TMEM120A: variants seen among roughly 807,000 people sequenced by gnomAD.
TMEM120A encodes transmembrane protein 120A, also known as ion channel TACAN.
TMEM120A carries 45 observed loss-of-function variants against 54.3 expected under a neutral mutation model. The observed-to-expected ratio is 0.83, with a 90% confidence interval of 0.65 to 1.06. The LOEUF (loss-of-function observed/expected upper bound fraction) is 1.06. Ranked by LOEUF, TMEM120A falls within the 50% of genes least tolerant of loss-of-function variation. The pLI, the probability that TMEM120A is intolerant of heterozygous loss-of-function variation, is 0.00. For synonymous variants in TMEM120A, 204 were observed against 178.5 expected (o/e 1.14, Z -1.14); for missense variants, 424 against 441.7 (o/e 0.96, Z 0.36).
In TMEM120A at chr7:75,992,265, G is replaced by C; in HGVS notation, c.201-5C>G. The stretch of plus-strand genomic sequence containing the variant: ...GCTGGGAGGGAGGGTTTGCATCTGC[G>C]GGTAAGGCCAGAAACAGTCAGGGCA... On this transcript the variant is annotated splice_region_variant and splice_polypyrimidine_tract_variant and intron_variant, in intron 2 of 11. Coordinates refer to ENST00000493111, the MANE Select transcript of TMEM120A (RefSeq NM_031925.3). The C allele has an allele frequency of 1.2e-6, 2 of 1,601,416 alleles. No homozygotes were observed.
chr7:75,989,029 C>T, intron 4 of TMEM120A, 136 bp downstream of exon 4: 1 of 90,056 alleles, frequency 1.1e-5, no homozygotes, highest in Non-Finnish European at 2.8e-5. Context: ...GAGGGGAAGG[C>T]CGGGTTGGGG....
Position 75,994,508 on chromosome 7 carries a change from C to T in TMEM120A, c.63G>A (p.Gln21=). ...DCLRDWEDLQ[Q]DFQNIQETHR... ...CGCTAACCTGGATGTTCTGGAAGTC[C>T]TGCTGTAGATCCTCCCAGTCCCGCA... is the stretch of plus-strand genomic sequence containing the variant. The change falls in exon 1 of 12, where the codon CAG becomes CAA. Residue 21 remains glutamine (Q), a synonymous_variant. Transcript: ENST00000493111. 1.3e-6 allele frequency: 2 copies of T among 1,568,460 alleles called. No homozygotes were observed. Among genetic ancestry groups the T allele is most frequent in the Non-Finnish European group, 1.7e-6 (2 of 1,157,870 alleles).
At position 75,994,578 on chromosome 7, in the gene TMEM120A, G is replaced by A. The variant is rs781793325; in HGVS notation, c.-8C>T. 5 of 1,535,648 alleles carry A rather than the reference G, an allele frequency of 3.3e-6. No homozygotes were observed. On this transcript the variant is annotated 5_prime_UTR_variant, in exon 1 of 12. Coordinates refer to ENST00000493111, the MANE Select transcript of TMEM120A (RefSeq NM_031925.3). ...CGGGGGCGGGGGCTGCATGGCTGCA[G>A]CGCCAGTAGCCAGTAGTGGAGGACG...
At position 75,989,038 on chromosome 7, in the gene TMEM120A, G is replaced by GGGGCAGGCT; in HGVS notation, c.377+126_377+127insAGCCTGCCC. On this transcript the variant is annotated intron_variant, in intron 4 of 11. Coordinates refer to ENST00000493111, the MANE Select transcript of TMEM120A (RefSeq NM_031925.3). ...GGGGTGGAGGGGAAGGCCGGGTTGG[G>GGGGCAGGCT]GGGTGGAGGGGAAGGCCGGGTTCCG... 6.5e-6 allele frequency: 2 copies of GGGGCAGGCT among 306,264 alleles called. 1 individual carries two copies. Among genetic ancestry groups the GGGGCAGGCT allele is most frequent in the Non-Finnish European group, 1.2e-5 (2 of 160,952 alleles). The allele number at this position is 306,264 out of a possible 1,614,324, so 19.0% of individuals were successfully genotyped here.
At position 75,987,158 on chromosome 7, in the gene TMEM120A, G is replaced by A. The variant is rs782726684; in HGVS notation, c.*14C>T. Reference sequence around the variant, plus strand: ...GACAGAAGCCCCTCTGGGCCGGCAGGGGAAGGCCCAGCCTCAATCCTTCTT... The same window carrying A: ...GACAGAAGCCCCTCTGGGCCGGCAGAGGAAGGCCCAGCCTCAATCCTTCTT... On this transcript the variant is annotated 3_prime_UTR_variant, in exon 12 of 12. Coordinates refer to ENST00000493111, the MANE Select transcript of TMEM120A (RefSeq NM_031925.3). The A allele has an allele frequency of 6.3e-6, 10 of 1,582,382 alleles. No individual in the cohort carries two copies. Among genetic ancestry groups the A allele is most frequent in the South Asian group, 1.2e-5 (1 of 86,868 alleles).
At chr7:75,990,813 C>T (rs781975033) in intron 3 of TMEM120A, among the ~76,000 whole-genome samples, 9 of 149,844 alleles carry the variant, frequency 6.0e-5, no homozygotes, top group East Asian at 2.0e-4. Context: ...GCAGGAGAAT[C>T]GCTTGAACCA....
Position 75,994,549 on chromosome 7 carries a change from G to T in TMEM120A, c.22C>A (p.Pro8Thr), listed in dbSNP as rs868981119. The change falls in exon 1 of 12, where the codon CCG becomes ACG. Residue 8 changes from proline (P) to threonine (T), a missense_variant. Transcript: ENST00000493111. MQPPPPGPLGDCLRDWED... is the reference protein window; with the variant it reads MQPPPPGTLGDCLRDWED... Reference sequence around the variant, plus strand: ...CAGTCCCGCAGGCAGTCGCCCAGCGGGCCCGGGGGCGGGGGCTGCATGGCT... The same window carrying T: ...CAGTCCCGCAGGCAGTCGCCCAGCGTGCCCGGGGGCGGGGGCTGCATGGCT... 1 of 1,555,472 alleles carries T rather than the reference G, an allele frequency of 6.4e-7. No homozygotes were observed. Among genetic ancestry groups the T allele is most frequent in the Admixed American group, 1.9e-5 (1 of 52,072 alleles).
At chr7:75,989,546 CT>C (rs1554561409) in intron 3 of TMEM120A, among the ~76,000 whole-genome samples, 1 of 151,232 alleles carries the variant, frequency 6.6e-6, no homozygotes, top group African/African-American at 2.4e-5. Flanking sequence ...GGCCGTCCCC[CT>C]GTCCCCGATT....
At chr7:75,992,583 G>A in intron 1 of TMEM120A, 26 bp from the exon 2 acceptor site, 1 of 1,517,918 alleles carries the variant, frequency 6.6e-7, no homozygotes, top group South Asian at 1.2e-5. Context: ...GAGAGGCTCA[G>A]GCCAGTTGGG....
At chr7:75,993,305 C>G (rs1554562289) in intron 1 of TMEM120A, among the ~76,000 whole-genome samples, 1 of 152,232 alleles carries the variant, frequency 6.6e-6, no homozygotes, top group African/African-American at 2.4e-5. Flanking sequence ...TCAGGAATCC[C>G]TGACATCTTC....
intron 8 of TMEM120A, 49 bp from the exon 9 acceptor site, chr7:75,987,859 TCCCTGC>T (rs1554560366): frequency 1.9e-6 from 3 of 1,600,062 alleles, no homozygotes; most frequent in Admixed American, 1.7e-5. Flanking sequence ...CGGGAGGGGT[TCCCTGC>T]CCCTGCCCCC....
chr7:75,991,370 C>T (rs1403803420), intron 3 of TMEM120A, among the ~76,000 whole-genome samples: 1 of 152,106 alleles, frequency 6.6e-6, no homozygotes, highest in Non-Finnish European at 1.5e-5. Context: ...TACCTCTCGC[C>T]CTCAGCCCAT....
intron 1 of TMEM120A, 46 bp downstream of exon 1, chr7:75,994,444 G>A (rs1554562672): frequency 9.2e-6 from 14 of 1,518,512 alleles, no homozygotes; most frequent in Non-Finnish European, 1.3e-5. Context: ...CCCTGAGCCA[G>A]CGAGACGCGG....
At position 75,987,348 on chromosome 7, in the gene TMEM120A, A is replaced by AC. The variant is rs1348998708; in HGVS notation, c.918+11dup. Reference sequence around the variant, plus strand: ...GGCCCCCCATCCATCCTGTCCAGGGACCCCGGCTCACCTGCCACTCCTTGC... The same window carrying AC: ...GGCCCCCCATCCATCCTGTCCAGGGACCCCCGGCTCACCTGCCACTCCTTGC... On this transcript the variant is annotated intron_variant, in intron 11 of 11. Transcript: ENST00000493111. 2 of 1,556,768 alleles carry AC rather than the reference A, an allele frequency of 1.3e-6. No individual in the cohort carries two copies. The highest frequency in any genetic ancestry group is 1.7e-6 in the Non-Finnish European group (2 of 1,151,418).
Position 75,988,243 on chromosome 7 carries a change from C to A in TMEM120A, c.563+9G>T. 6.2e-7 allele frequency: 1 copy of A among 1,611,808 alleles called. No homozygotes were observed. Among genetic ancestry groups the A allele is most frequent in the African/African-American group, 1.3e-5 (1 of 75,052 alleles). On this transcript the variant is annotated intron_variant, in intron 6 of 11. Coordinates refer to ENST00000493111, the MANE Select transcript of TMEM120A (RefSeq NM_031925.3). ...CATGCTCCCCTCCCTCAGGGCCCGC[C>A]CTGCCCACCGGGAGCCGTTGTTGAT...
At chr7:75,992,118 C>G in intron 3 of TMEM120A, 26 bp downstream of exon 3, 1 of 1,528,146 alleles carries the variant, frequency 6.5e-7, no homozygotes, top group African/African-American at 1.4e-5. Flanking sequence ...GTGAACTGAG[C>G]TGGGGGTGGC....
At chr7:75,988,557 G>C (rs1554560849) in intron 4 of TMEM120A, 41 bp from the exon 5 acceptor site, 1 of 1,466,562 alleles carries the variant, frequency 6.8e-7, no homozygotes, top group Non-Finnish European at 9.4e-7. Context: ...GGTGCTGGTG[G>C]GGCCCATGTG....
intron 1 of TMEM120A, among the ~76,000 whole-genome samples, 168 bp from the exon 2 acceptor site, chr7:75,992,725 G>A (rs569389671): frequency 7.9e-5 from 12 of 152,294 alleles, no homozygotes; most frequent in African/African-American, 2.6e-4. Context: ...TCTCCCCAAG[G>A]CAGGCAAGGA....
chr7:75,987,463 C>A, intron 10 of TMEM120A, 35 bp from the exon 11 acceptor site: 1 of 1,560,794 alleles, frequency 6.4e-7, no homozygotes, highest in Non-Finnish European at 8.7e-7. Flanking sequence ...TCAGAAGACC[C>A]AGTCCCTGCT....
Sources: allele counts gnomAD v4.1 joint callset (sites outside exome capture counted in the v4.1 genomes callset), GRCh38; gene constraint gnomAD v4.1.1; transcripts MANE v1.5; gene names NCBI Gene and HGNC (gene_info 2026-07-23, HGNC 2026-07-21).